Variants in FOCAD observed in about 807,000 individuals in gnomAD.
The protein encoded by FOCAD is KIAA1797.
Under a neutral mutation model 225.6 loss-of-function variants are expected in FOCAD, and 198 were observed. That is an observed-to-expected ratio of 0.88 (90% CI 0.78 to 0.99). FOCAD has a LOEUF of 0.99. Ranked by LOEUF, FOCAD falls within the 50% of genes least tolerant of loss-of-function variation. FOCAD has a pLI of 0.00. For synonymous variants in FOCAD, 897 were observed against 755.0 expected, an observed-to-expected ratio of 1.19 and a Z score of -3.08; for missense variants, 2,713 against 2,123.6, an observed-to-expected ratio of 1.28 and a Z score of -5.46.
chr9:20,862,185 G>A (rs957342841), intron 15 of FOCAD, among the ~76,000 whole-genome samples: 3 of 151,984 alleles, frequency 2.0e-5, no homozygotes, highest in African/African-American at 7.2e-5. Flanking sequence ...ACTAAAAAAT[G>A]TGGATACCTG....
At chr9:20,899,994 A>G (rs1832426748) in intron 21 of FOCAD, among the ~76,000 whole-genome samples, 1 of 151,860 alleles carries the variant, frequency 6.6e-6, no homozygotes, top group South Asian at 2.1e-4. Flanking sequence ...CAGATGTGCT[A>G]GGGCTTCTCC....
intron 15 of FOCAD, among the ~76,000 whole-genome samples, chr9:20,848,818 C>G (rs556145452): frequency 6.6e-6 from 1 of 151,844 alleles, no homozygotes; most frequent in Admixed American, 6.6e-5. Context: ...CATGGCTGTA[C>G]TGTAGTTTAT....
chr9:20,851,271 T>A (rs1350680171), intron 15 of FOCAD, among the ~76,000 whole-genome samples: 1 of 151,444 alleles, frequency 6.6e-6, no homozygotes, highest in African/African-American at 2.4e-5. Flanking sequence ...TATATTAAAA[T>A]TTTTTTCCAT....
intron 4 of FOCAD, among the ~76,000 whole-genome samples, chr9:20,724,858 T>G (rs1279281841): frequency 3.9e-4 from 59 of 152,150 alleles, no homozygotes; most frequent in Non-Finnish European, 4.3e-4. Flanking sequence ...GAAAACCATC[T>G]GTGTCTTTGG....
At chr9:20,897,150 C>T (rs962342021) in intron 21 of FOCAD, 1 of 151,760 alleles carries the variant, frequency 6.6e-6, no homozygotes, top group African/African-American at 2.4e-5. Context: ...TAATGTCCCT[C>T]TTTATTCTTG....
chr9:20,729,476 A>G lies in FOCAD; in HGVS notation c.287+8942A>G, dbSNP rs183299213. 2.0e-3 allele frequency among the ~76,000 whole-genome samples: 305 copies of G among 152,292 alleles called. 5 individuals carry two copies. Among genetic ancestry groups the G allele is most frequent in the Admixed American group, 0.018 (275 of 15,292 alleles). ...TCATCCCAAGATACTTAATTTAATT[A>G]TATCTACAAAGACCCTATTTCCATA... On this transcript the variant is annotated intron_variant, in intron 4 of 43. Transcript: ENST00000338382.
intron 8 of FOCAD, among the ~76,000 whole-genome samples, chr9:20,771,565 C>G (rs1276978310): frequency 6.6e-6 from 1 of 152,098 alleles, no homozygotes; most frequent in African/African-American, 2.4e-5. Context: ...TCGAGAGCAG[C>G]CTGACCAACA....
chr9:20,669,556 C>G (rs1821994826), intron 2 of FOCAD, among the ~76,000 whole-genome samples: 1 of 152,184 alleles, frequency 6.6e-6, no homozygotes, highest in Non-Finnish European at 1.5e-5. Flanking sequence ...GGGCAGATCA[C>G]TTGAGATCAG....
intron 1 of FOCAD, among the ~76,000 whole-genome samples, chr9:20,702,427 T>A: frequency 6.6e-6 from 1 of 152,162 alleles, no homozygotes; most frequent in East Asian, 1.9e-4. Flanking sequence ...ACAAAAACTT[T>A]AAGTCAACTG....
At chr9:20,842,100 T>C (rs1421402474) in intron 15 of FOCAD, among the ~76,000 whole-genome samples, 1 of 151,068 alleles carries the variant, frequency 6.6e-6, no homozygotes, top group African/African-American at 2.4e-5. Context: ...TTTTATTCCA[T>C]TGTGGTCAGA....
At chr9:20,789,901 CT>C (rs1820346228) in intron 11 of FOCAD, among the ~76,000 whole-genome samples, 1 of 152,074 alleles carries the variant, frequency 6.6e-6, no homozygotes, top group Non-Finnish European at 1.5e-5. Flanking sequence ...TTTTGTAATG[CT>C]TTTGCTAACT....
chr9:20,896,616 G>A (rs1279510495), intron 21 of FOCAD, among the ~76,000 whole-genome samples: 1 of 151,642 alleles, frequency 6.6e-6, no homozygotes, highest in Non-Finnish European at 1.5e-5. Flanking sequence ...GGAATGAATT[G>A]GCCCATTTCA....
intron 11 of FOCAD, among the ~76,000 whole-genome samples, chr9:20,797,860 C>G (rs551169935): frequency 6.6e-6 from 1 of 152,106 alleles, no homozygotes; most frequent in Non-Finnish European, 1.5e-5. Flanking sequence ...CCTGATTGCC[C>G]TGGCCAGAAC....
At chr9:20,972,599 A>C (rs1484831992) in intron 35 of FOCAD, among the ~76,000 whole-genome samples, 1 of 150,880 alleles carries the variant, frequency 6.6e-6, no homozygotes, top group African/African-American at 2.4e-5. Context: ...CTAATTCTGC[A>C]TGTGCTTCTC....
At position 20,958,395 on chromosome 9, in the gene FOCAD, AT is replaced by A. The variant is rs559119419; in HGVS notation, c.4132+5335del. ...GGTTTTTTTTTTAAGTAAATTTGAAATTTTTAAAAAAAATTTTTAATTGATG... is the reference window on the plus strand; with the variant it reads ...GGTTTTTTTTTTAAGTAAATTTGAAATTTTAAAAAAAATTTTTAATTGATG... On this transcript the variant is annotated intron_variant, in intron 35 of 43. Transcript: ENST00000338382. Among the ~76,000 whole-genome samples the A allele has an allele frequency of 5.4e-5, 8 of 148,272 alleles. No homozygotes were observed. In the East Asian group the frequency reaches 1.6e-3, roughly 30 times the overall value.
chr9:20,769,240 AT>A (rs1286109795), intron 7 of FOCAD, among the ~76,000 whole-genome samples: 2 of 152,264 alleles, frequency 1.3e-5, no homozygotes, highest in East Asian at 3.9e-4. Flanking sequence ...ACTAATAGTC[AT>A]TTGGGTTATT....
chr9:20,833,319 A>C (rs1262685396), intron 15 of FOCAD, among the ~76,000 whole-genome samples: 1 of 152,088 alleles, frequency 6.6e-6, no homozygotes, highest in Non-Finnish European at 1.5e-5. Context: ...AATGTTTATT[A>C]TAATAAGGAT....
intron 11 of FOCAD, among the ~76,000 whole-genome samples, chr9:20,804,790 T>C (rs1723463967): frequency 6.7e-6 from 1 of 149,986 alleles, no homozygotes; most frequent in Admixed American, 6.8e-5. Context: ...TAGCGGTAAA[T>C]GACACCCTTC....
At chr9:20,926,975 T>C (rs972579754) in intron 26 of FOCAD, among the ~76,000 whole-genome samples, 1 of 150,142 alleles carries the variant, frequency 6.7e-6, no homozygotes, top group African/African-American at 2.4e-5. Context: ...TAATGTTATA[T>C]ATGTACGTAC....
Sources: gnomAD v4.1 joint callset for allele counts (sites outside exome capture counted in the v4.1 genomes callset) on GRCh38, gnomAD v4.1.1 for gene constraint, MANE v1.5 for transcripts, NCBI Gene and HGNC (gene_info 2026-07-23, HGNC 2026-07-21) for gene names.